APPBP2: variants seen among roughly 807,000 people sequenced by gnomAD.
The protein encoded by APPBP2 is amyloid protein-binding protein 2.
Under a neutral mutation model 76.0 loss-of-function variants are expected in APPBP2, and 15 were observed. The observed-to-expected ratio is 0.20, with a 90% confidence interval of 0.13 to 0.30. The LOEUF (loss-of-function observed/expected upper bound fraction) is 0.30. Ranked by LOEUF, APPBP2 falls within the 10% of genes least tolerant of loss-of-function variation. The probability of loss-of-function intolerance (pLI) is 1.00; values close to 1 mark genes in which losing one functional copy is unlikely to be tolerated. For missense variants in APPBP2, 401 were observed against 687.2 expected (o/e 0.58, Z 4.66); for synonymous variants, 222 against 242.2 (o/e 0.92, Z 0.77).
At chr17:60,487,437 T>C (rs1253208344) in intron 3 of APPBP2, among the ~76,000 whole-genome samples, 1 of 152,218 alleles carries the variant, frequency 6.6e-6, no homozygotes, top group Non-Finnish European at 1.5e-5. Flanking sequence ...CTTCATTTCA[T>C]TAATTTGATC....
Position 60,526,140 on chromosome 17 carries a change from A to C in APPBP2, c.-209T>G, listed in dbSNP as rs751085197. ...CGCAGGCCCGAGTAAAAAGTGGGAC[A>C]GAAAACAGCGGCCAGCCAGGCCAAA... On this transcript the variant is annotated 5_prime_UTR_variant, in exon 1 of 13. Coordinates refer to ENST00000083182, the MANE Select transcript of APPBP2 (RefSeq NM_006380.5). 144 of 575,072 alleles carry C rather than the reference A, an allele frequency of 2.5e-4. No individual in the cohort carries two copies. The highest frequency in any genetic ancestry group is 3.6e-4 in the Non-Finnish European group (116 of 322,660). The allele number at this position is 575,072 out of a possible 1,614,324, so 35.6% of individuals were successfully genotyped here.
chr17:60,488,732 AG>A (rs1567931585), intron 3 of APPBP2, among the ~76,000 whole-genome samples: 1 of 152,172 alleles, frequency 6.6e-6, no homozygotes, highest in East Asian at 1.9e-4. Flanking sequence ...GTAGATGTGG[AG>A]ATGATAGAGG....
Position 60,447,462 on chromosome 17 carries a change from A to G in APPBP2, c.*119T>C. 2 of 1,191,982 alleles carry G rather than the reference A, an allele frequency of 1.7e-6. No individual in the cohort carries two copies. Among genetic ancestry groups the G allele is most frequent in the Middle Eastern group, 2.7e-4 (1 of 3,692 alleles). The allele number at this position is 1,191,982 out of a possible 1,614,324, so 73.8% of individuals were successfully genotyped here. On this transcript the variant is annotated 3_prime_UTR_variant, in exon 13 of 13. Coordinates refer to ENST00000083182, the MANE Select transcript of APPBP2 (RefSeq NM_006380.5). The stretch of plus-strand genomic sequence containing the variant: ...AGGGATCACCCAAAATAGGGTCTTC[A>G]ATGGACTGGACCAGTGTTTCAATGC...
chr17:60,511,449 G>A (rs2090912228), intron 1 of APPBP2, among the ~76,000 whole-genome samples: 1 of 152,044 alleles, frequency 6.6e-6, no homozygotes, highest in Non-Finnish European at 1.5e-5. Context: ...GCTGGGCGTG[G>A]TGTTGTGTGC....
chr17:60,495,673 C>T (rs772498157), intron 2 of APPBP2, among the ~76,000 whole-genome samples: 26 of 151,822 alleles, frequency 1.7e-4, no homozygotes, highest in African/African-American at 5.6e-4. Context: ...GGTGAAAAAA[C>T]GGGAACCCTC....
At chr17:60,502,099 G>T (rs2090827909) in intron 1 of APPBP2, among the ~76,000 whole-genome samples, 1 of 152,010 alleles carries the variant, frequency 6.6e-6, no homozygotes, top group African/African-American at 2.4e-5. Context: ...TGTCATCCAG[G>T]CTGCAGTATA....
chr17:60,467,389 G>A (rs1292135100), intron 4 of APPBP2, among the ~76,000 whole-genome samples: 1 of 152,122 alleles, frequency 6.6e-6, no homozygotes, highest in Non-Finnish European at 1.5e-5. Context: ...CTCATAATGA[G>A]AAAAATTCAG....
At chr17:60,485,535 G>A (rs1224974144) in intron 3 of APPBP2, among the ~76,000 whole-genome samples, 2 of 152,120 alleles carry the variant, frequency 1.3e-5, no homozygotes, top group Non-Finnish European at 2.9e-5. Context: ...ATTTCTGTAG[G>A]ATCAGTGGTG....
chr17:60,498,317 A>C (rs186034218), intron 2 of APPBP2, among the ~76,000 whole-genome samples: 16 of 152,246 alleles, frequency 1.1e-4, no homozygotes, highest in Admixed American at 4.6e-4. Context: ...CTTTGTCACC[A>C]AGCTTCTGTT....
Position 60,444,424 on chromosome 17 carries a change from G to A in APPBP2, c.*3157C>T, listed in dbSNP as rs1377028548. 6.6e-6 allele frequency: 1 copy of A among 152,098 alleles called. No homozygotes were observed. The highest frequency in any genetic ancestry group is 2.1e-4 in the South Asian group (1 of 4,820). The allele number at this position is 152,098 out of a possible 1,614,324, so 9.4% of individuals were successfully genotyped here. On this transcript the variant is annotated 3_prime_UTR_variant, in exon 13 of 13. Transcript: ENST00000083182. ...ATGTGTTCACTGCAGTTTTCTGTCT[G>A]CACTATTAAGGAGCAGCCAAATGGC...
At chr17:60,507,699 G>T (rs917964293) in intron 1 of APPBP2, among the ~76,000 whole-genome samples, 1 of 152,048 alleles carries the variant, frequency 6.6e-6, no homozygotes, top group Non-Finnish European at 1.5e-5. Flanking sequence ...TGAAATTATC[G>T]AGATTAACCC....
chr17:60,505,218 A>T (rs901488768), intron 1 of APPBP2, among the ~76,000 whole-genome samples: 1 of 152,260 alleles, frequency 6.6e-6, no homozygotes, highest in Non-Finnish European at 1.5e-5. Context: ...TACGGTCCAC[A>T]CAGTAACCAG....
intron 1 of APPBP2, among the ~76,000 whole-genome samples, chr17:60,513,006 T>C (rs1431642071): frequency 6.8e-6 from 1 of 147,780 alleles, no homozygotes; most frequent in Non-Finnish European, 1.5e-5. Context: ...AAGGGAACGC[T>C]ACATGGTCGC....
At chr17:60,512,774 G>A (rs2090925121) in intron 1 of APPBP2, among the ~76,000 whole-genome samples, 2 of 41,464 alleles carry the variant, frequency 4.8e-5, no homozygotes, top group South Asian at 2.1e-3. Context: ...GGCGGAGGTT[G>A]CAGTGAGCCG....
intron 8 of APPBP2, chr17:60,461,031 T>C (rs2090472614): frequency 4.5e-6 from 1 of 223,552 alleles, no homozygotes; most frequent in East Asian, 9.3e-5. Context: ...CATTCCTATG[T>C]CTTGAGAATC....
intron 4 of APPBP2, among the ~76,000 whole-genome samples, chr17:60,472,739 C>T (rs976451992): frequency 6.6e-6 from 1 of 152,192 alleles, no homozygotes; most frequent in Non-Finnish European, 1.5e-5. Flanking sequence ...TTGAAAGAAT[C>T]TAGTTCCTTA....
chr17:60,472,478 T>C (rs976132246), intron 4 of APPBP2, among the ~76,000 whole-genome samples: 1 of 152,250 alleles, frequency 6.6e-6, no homozygotes, highest in African/African-American at 2.4e-5. Flanking sequence ...TTAAATCCTT[T>C]TCATTTGTGG....
At chr17:60,482,935 G>C (rs1454208550) in intron 3 of APPBP2, among the ~76,000 whole-genome samples, 1 of 152,018 alleles carries the variant, frequency 6.6e-6, no homozygotes, top group Non-Finnish European at 1.5e-5. Flanking sequence ...TAATCCTTTG[G>C]GTATATACCC....
At chr17:60,499,346 AT>A (rs201486485) in intron 2 of APPBP2, among the ~76,000 whole-genome samples, 1,825 of 151,822 alleles carry the variant, frequency 0.012, 9 homozygotes, top group Admixed American at 0.014. Flanking sequence ...AAAAAAAAAA[AT>A]ATGGAAAACA....
Sources: allele counts gnomAD v4.1 joint callset (sites outside exome capture counted in the v4.1 genomes callset), GRCh38; gene constraint gnomAD v4.1.1; transcripts MANE v1.5; gene names NCBI Gene and HGNC (gene_info 2026-07-23, HGNC 2026-07-21).